Variants in GFPT1 observed in about 807,000 individuals in gnomAD.
The protein encoded by GFPT1 is glutamine--fructose-6-phosphate transaminase 1.
A neutral mutation model predicts 92.0 loss-of-function variants in GFPT1; 40 were observed. The ratio of observed to expected loss-of-function variants is 0.43; its 90% CI spans 0.34 to 0.57. The LOEUF is 0.57. Among genes scored for constraint, GFPT1 ranks in the 20% least tolerant of loss-of-function variants. The pLI, the probability that GFPT1 is intolerant of heterozygous loss-of-function variation, is 0.02. For missense variants in GFPT1, 448 were observed against 869.1 expected (o/e 0.52, Z 6.09); for synonymous variants, 269 against 280.6 (o/e 0.96, Z 0.41).
intron 4 of GFPT1, among the ~76,000 whole-genome samples, chr2:69,362,936 A>G (rs1205958305): frequency 6.6e-6 from 1 of 152,110 alleles, no homozygotes; most frequent in Non-Finnish European, 1.5e-5. Flanking sequence ...GATATGCCCT[A>G]AGGACAAAAC....
At chr2:69,332,087 T>C (rs2104605146) in intron 15 of GFPT1, among the ~76,000 whole-genome samples, 1 of 152,244 alleles carries the variant, frequency 6.6e-6, no homozygotes, top group East Asian at 1.9e-4. Flanking sequence ...TTTTCCTTTT[T>C]AGCCTGTTTG....
intron 15 of GFPT1, among the ~76,000 whole-genome samples, chr2:69,332,460 C>T (rs1261057183): frequency 6.6e-6 from 1 of 151,628 alleles, no homozygotes; most frequent in Non-Finnish European, 1.5e-5. Flanking sequence ...ATTACAGGCG[C>T]CCGCCACCAT....
intron 1 of GFPT1, among the ~76,000 whole-genome samples, chr2:69,385,527 G>T (rs1344446278): frequency 9.5e-6 from 1 of 105,692 alleles, no homozygotes; most frequent in Non-Finnish European, 1.9e-5. Flanking sequence ...GCCCAGCGCT[G>T]ATTTATTTAT....
intron 9 of GFPT1, among the ~76,000 whole-genome samples, chr2:69,350,962 G>A (rs1574062972): frequency 6.6e-6 from 1 of 150,394 alleles, no homozygotes; most frequent in Non-Finnish European, 1.5e-5. Flanking sequence ...AATTTTTATT[G>A]TATCATAACA....
At chr2:69,371,196 C>T (rs921744928) in intron 2 of GFPT1, 1 of 150,724 alleles carries the variant, frequency 6.6e-6, no homozygotes, top group Non-Finnish European at 1.5e-5. Context: ...CTGCCTCAGC[C>T]TCCCAAATAG....
At chr2:69,329,219 C>T (rs1384299709) in intron 17 of GFPT1, 78 bp downstream of exon 17, 1 of 1,376,240 alleles carries the variant, frequency 7.3e-7, no homozygotes, top group African/African-American at 1.4e-5. Flanking sequence ...CTATTTCATT[C>T]ATTTAATGTA....
intron 6 of GFPT1, among the ~76,000 whole-genome samples, chr2:69,358,091 GATTA>G (rs913976835): frequency 2.0e-5 from 3 of 152,028 alleles, no homozygotes; most frequent in South Asian, 2.1e-4. Flanking sequence ...ACTGATTTTG[GATTA>G]ATTTTCATTT....
chr2:69,371,060 A>ATTTTTCTTTTCTTTTCTTT (rs1671734127), intron 2 of GFPT1, among the ~76,000 whole-genome samples: 1 of 142,986 alleles, frequency 7.0e-6, no homozygotes, highest in South Asian at 2.2e-4. Flanking sequence ...TATTCAGCTT[A>ATTTTTCTTTTCTTTTCTTT]TTTTTCTTTT....
intron 1 of GFPT1, among the ~76,000 whole-genome samples, 156 bp downstream of exon 1, chr2:69,386,909 C>G (rs1409090790): frequency 6.6e-6 from 1 of 152,230 alleles, no homozygotes; most frequent in African/African-American, 2.4e-5. Context: ...GATGCCGGCC[C>G]CCGCCCCCGC....
intron 2 of GFPT1, among the ~76,000 whole-genome samples, chr2:69,371,083 T>TA (rs1216857083): frequency 6.7e-6 from 1 of 149,492 alleles, no homozygotes; most frequent in Non-Finnish European, 1.5e-5. Context: ...TTTCTTTTTT[T>TA]TTTTTTTTTT....
intron 9 of GFPT1, 130 bp from the exon 10 acceptor site, chr2:69,350,313 G>C (rs978453127): frequency 2.3e-5 from 16 of 689,124 alleles, no homozygotes; most frequent in Non-Finnish European, 4.1e-5. Context: ...AATTTAAAAA[G>C]CCAAGTAGAT....
rs1488252769 is a variant in GFPT1 at position 69,322,763 on chromosome 2, T to C, written c.*3426A>G. The C allele has an allele frequency of 1.3e-5, 2 of 152,328 alleles. No homozygotes were observed. The highest frequency in any genetic ancestry group is 3.9e-4 in the East Asian group (2 of 5,194). The allele number at this position is 152,328 out of a possible 1,614,324, so 9.4% of individuals were successfully genotyped here. A position where few individuals can be genotyped will look rare whatever the true frequency, so the allele number is the denominator to read the frequency against. On this transcript the variant is annotated 3_prime_UTR_variant, in exon 20 of 20. Coordinates refer to ENST00000357308, the MANE Select transcript of GFPT1 (RefSeq NM_001244710.2). ...CATCTTTGCATATTAAGGACTGTTG[T>C]TAACAGATTTATGGGTCATTTGTAG...
chr2:69,374,407 G>A (rs934620567), intron 1 of GFPT1, among the ~76,000 whole-genome samples: 7 of 151,236 alleles, frequency 4.6e-5, no homozygotes, highest in East Asian at 1.9e-4. Context: ...TCCGCCTCCC[G>A]GGTTCACACC....
intron 1 of GFPT1, among the ~76,000 whole-genome samples, chr2:69,378,895 A>T (rs1437537318): frequency 1.3e-5 from 2 of 152,050 alleles, no homozygotes; most frequent in African/African-American, 4.8e-5. Context: ...TGTCACTTAA[A>T]CTCTAAATTT....
intron 17 of GFPT1, 114 bp from the exon 18 acceptor site, chr2:69,328,552 T>A: frequency 1.4e-6 from 1 of 715,920 alleles, no homozygotes; most frequent in South Asian, 1.6e-5. Flanking sequence ...TCCAAAAGTA[T>A]TAAAGGACCA....
At chr2:69,354,663 A>T in intron 7 of GFPT1, 95 bp from the exon 8 acceptor site, 1 of 775,014 alleles carries the variant, frequency 1.3e-6, no homozygotes, top group Non-Finnish European at 2.3e-6. Context: ...CAAATGTTTA[A>T]ATCATCCTCC....
At position 69,358,350 on chromosome 2, in the gene GFPT1, C is replaced by T. The variant is rs1482084008; in HGVS notation, c.522G>A (p.Val174=). The T allele has an allele frequency of 3.1e-6, 5 of 1,612,356 alleles. No individual in the cohort carries two copies. The highest frequency in any genetic ancestry group is 4.2e-6 in the Non-Finnish European group (5 of 1,178,656). The part of the protein sequence containing the change: ...ESQDTSFTTL[V]ERVIQQLEGA... ...ATACCAATTGTTGGATAACTCTCTC[C>T]ACCAAGGTAGTAAAGCTGGTATCTT... Residue 174 remains valine, a synonymous_variant, in exon 6 of 20, where the codon GTG becomes GTA. Coordinates refer to ENST00000357308, the MANE Select transcript of GFPT1 (RefSeq NM_001244710.2).
chr2:69,340,376 G>C (rs1345334893), intron 13 of GFPT1, among the ~76,000 whole-genome samples: 1 of 151,982 alleles, frequency 6.6e-6, no homozygotes, highest in African/African-American at 2.4e-5. Flanking sequence ...CATCACAATA[G>C]AGTAACTTAA....
chr2:69,363,901 G>A (rs1427000387), intron 3 of GFPT1, among the ~76,000 whole-genome samples: 1 of 152,152 alleles, frequency 6.6e-6, no homozygotes, highest in Non-Finnish European at 1.5e-5. Flanking sequence ...GATCACCTGA[G>A]GTCAGGAGTT....
Sources: gnomAD v4.1 joint callset for allele counts (sites outside exome capture counted in the v4.1 genomes callset) on GRCh38, gnomAD v4.1.1 for gene constraint, MANE v1.5 for transcripts, NCBI Gene and HGNC (gene_info 2026-07-23, HGNC 2026-07-21) for gene names.